ATP6V1C2: variants seen among roughly 807,000 people sequenced by gnomAD.
ATP6V1C2 encodes V-type proton ATPase subunit C 2.
Under a neutral mutation model 56.8 loss-of-function variants are expected in ATP6V1C2, and 45 were observed. The ratio of observed to expected loss-of-function variants is 0.79; its 90% CI spans 0.62 to 1.02. ATP6V1C2 has a LOEUF of 1.02. ATP6V1C2 is among the 50% of genes least tolerant of loss of function. The pLI, the probability that ATP6V1C2 is intolerant of heterozygous loss-of-function variation, is 0.00. For synonymous variants in ATP6V1C2, 220 were observed against 201.3 expected, an observed-to-expected ratio of 1.09 and a Z score of -0.79; for missense variants, 463 against 519.7, an observed-to-expected ratio of 0.89 and a Z score of 1.06.
chr2:10,734,107 C>A lies in ATP6V1C2; in HGVS notation c.197+7538C>A, dbSNP rs139743894. ...CATTTCATGGGATTCAGTGAATAGA[C>A]CGCGGTTGCATGTCTCTGTATGCCG... is the stretch of plus-strand genomic sequence containing the variant. On this transcript the variant is annotated intron_variant, in intron 3 of 13. Transcript: ENST00000272238. 6.3e-3 allele frequency among the ~76,000 whole-genome samples: 958 copies of A among 152,268 alleles called. 5 individuals are homozygous for A. Among genetic ancestry groups the A allele is most frequent in the Non-Finnish European group, 9.8e-3 (665 of 68,018 alleles).
intron 3 of ATP6V1C2, 147 bp from the exon 4 acceptor site, chr2:10,753,834 G>A (rs751789272): frequency 7.5e-6 from 5 of 669,194 alleles, no homozygotes; most frequent in African/African-American, 1.8e-5. Context: ...GTGCCCGGCC[G>A]CTATTGGCAT....
chr2:10,726,146 A>G (rs1661628000), intron 2 of ATP6V1C2, among the ~76,000 whole-genome samples: 1 of 152,116 alleles, frequency 6.6e-6, no homozygotes, highest in African/African-American at 2.4e-5. Flanking sequence ...TAGGAATGAG[A>G]ACTTCTTTAA....
rs1386368839 is a variant in ATP6V1C2, at chr2:10,785,019, A to G, written c.*1756A>G. ...TACAGGTGCCGTGGAGCCACGCCCA[A>G]AAGAGAGCTCCCTTAGGGAAAAATG... On this transcript the variant is annotated 3_prime_UTR_variant, in exon 14 of 14. Coordinates refer to ENST00000272238, the MANE Select transcript of ATP6V1C2 (RefSeq NM_001039362.2). 3 of 1,577,868 alleles carry G rather than the reference A, an allele frequency of 1.9e-6. No individual in the cohort carries two copies. Among genetic ancestry groups the G allele is most frequent in the South Asian group, 1.2e-5 (1 of 86,366 alleles).
chr2:10,735,265 G>A (rs771680446), intron 3 of ATP6V1C2, among the ~76,000 whole-genome samples: 1 of 152,062 alleles, frequency 6.6e-6, no homozygotes, highest in Non-Finnish European at 1.5e-5. Context: ...CCCCTCCTGG[G>A]TTCAAACAAA....
chr2:10,762,037 A>T (rs1011002318), intron 4 of ATP6V1C2, among the ~76,000 whole-genome samples: 2 of 151,982 alleles, frequency 1.3e-5, no homozygotes, highest in African/African-American at 4.8e-5. Context: ...TAGGTGCTTC[A>T]CGCCTTATCT....
At chr2:10,772,286 C>T (rs759384692) in intron 7 of ATP6V1C2, among the ~76,000 whole-genome samples, 5 of 152,122 alleles carry the variant, frequency 3.3e-5, no homozygotes, top group African/African-American at 4.8e-5. Context: ...ACACGGGGCC[C>T]GGATTAGATG....
chr2:10,757,789 CT>C (rs2148467267), intron 4 of ATP6V1C2, among the ~76,000 whole-genome samples: 1 of 152,316 alleles, frequency 6.6e-6, no homozygotes, highest in East Asian at 1.9e-4. Context: ...GATGTCCCGA[CT>C]GCCTGCTCTT....
In ATP6V1C2 at chr2:10,749,982, G is replaced by GA. The variant is rs566348642; in HGVS notation, c.198-3993dup. Among the ~76,000 whole-genome samples, 56 of 152,216 alleles carry GA rather than the reference G, an allele frequency of 3.7e-4. No homozygotes were observed. In the East Asian group the frequency reaches 8.1e-3, roughly 22 times the overall value. The stretch of plus-strand genomic sequence containing the variant: ...AGGTGTTCACAACAAACTGTGGAGT[G>GA]AAAAAAGTACATTTAACACAGTATC... On this transcript the variant is annotated intron_variant, in intron 3 of 13. Coordinates refer to ENST00000272238, the MANE Select transcript of ATP6V1C2 (RefSeq NM_001039362.2).
intron 3 of ATP6V1C2, among the ~76,000 whole-genome samples, chr2:10,740,631 A>G (rs1002616937): frequency 6.6e-6 from 1 of 152,046 alleles, no homozygotes; most frequent in Non-Finnish European, 1.5e-5. Flanking sequence ...TTTCAGCAAC[A>G]CTTCTCTGGG....
rs1027573378 is a variant in ATP6V1C2, at chr2:10,783,558, A to G, written c.*295A>G. ...ATTTCATGTCTTAACGGCTATTTTGAGGTTCATTAACAACATAGAAAGCCT... is the reference window on the plus strand; with the variant it reads ...ATTTCATGTCTTAACGGCTATTTTGGGGTTCATTAACAACATAGAAAGCCT... On this transcript the variant is annotated 3_prime_UTR_variant, in exon 14 of 14. Transcript: ENST00000272238. The G allele has an allele frequency of 6.8e-6, 2 of 292,172 alleles. No individual in the cohort carries two copies. The highest frequency in any genetic ancestry group is 9.8e-5 in the Admixed American group (2 of 20,344). 18.1% of individuals were successfully genotyped at this position (292,172 alleles called of 1,614,324 possible).
chr2:10,722,245 G>A (rs1429942620), intron 1 of ATP6V1C2, among the ~76,000 whole-genome samples: 1 of 152,156 alleles, frequency 6.6e-6, no homozygotes, highest in Non-Finnish European at 1.5e-5. Flanking sequence ...GCACTGCTGA[G>A]CGGGCACCTC....
intron 8 of ATP6V1C2, among the ~76,000 whole-genome samples, chr2:10,773,418 T>C (rs1315884063): frequency 6.6e-6 from 1 of 152,204 alleles, no homozygotes; most frequent in Non-Finnish European, 1.5e-5. Context: ...AGTCTCACTC[T>C]GTTGCCCAGG....
Position 10,762,704 on chromosome 2 carries a change from C to A in ATP6V1C2, c.284-1627C>A, listed in dbSNP as rs114728564. 4.3e-3 allele frequency among the ~76,000 whole-genome samples: 649 copies of A among 152,188 alleles called. 7 individuals are homozygous for A. The highest frequency in any genetic ancestry group is 0.015 in the African/African-American group (623 of 41,524). On this transcript the variant is annotated intron_variant, in intron 4 of 13. Transcript: ENST00000272238. ...CAGAACTTGCCTCCTCTCCTCCATC[C>A]CCATCCCTCCCACCTCCATGGCTGC...
chr2:10,779,523 TAA>T (rs1246873272), intron 12 of ATP6V1C2, among the ~76,000 whole-genome samples: 22 of 149,798 alleles, frequency 1.5e-4, no homozygotes, highest in Admixed American at 3.3e-4. Flanking sequence ...CCACCTCTAC[TAA>T]AAATACAAAA....
At chr2:10,755,740 G>A (rs996075812) in intron 4 of ATP6V1C2, among the ~76,000 whole-genome samples, 2 of 152,190 alleles carry the variant, frequency 1.3e-5, no homozygotes, top group African/African-American at 4.8e-5. Flanking sequence ...GCCCAAATCA[G>A]GTATGAGAAA....
At chr2:10,777,506 CT>C (rs1665072107) in intron 10 of ATP6V1C2, 78 bp from the exon 11 acceptor site, 1 of 1,559,274 alleles carries the variant, frequency 6.4e-7, no homozygotes, top group Non-Finnish European at 8.7e-7. Context: ...TCTCGCGTGC[CT>C]TTCAGGCGAT....
At chr2:10,778,816 C>A in intron 12 of ATP6V1C2, 147 bp downstream of exon 12, 1 of 724,522 alleles carries the variant, frequency 1.4e-6, no homozygotes, top group African/African-American at 1.7e-5. Flanking sequence ...CGCTCAATTC[C>A]GAGTCAAGTA....
intron 6 of ATP6V1C2, among the ~76,000 whole-genome samples, chr2:10,769,618 C>T (rs1173295309): frequency 6.6e-6 from 1 of 152,140 alleles, no homozygotes; most frequent in Non-Finnish European, 1.5e-5. Flanking sequence ...GCACGAGGAT[C>T]ACTTGAACCT....
At chr2:10,762,528 C>A (rs1663972664) in intron 4 of ATP6V1C2, among the ~76,000 whole-genome samples, 1 of 152,172 alleles carries the variant, frequency 6.6e-6, no homozygotes, top group African/African-American at 2.4e-5. Flanking sequence ...GTCATTGTCA[C>A]CGTCGTCGTC....
Sources: gnomAD v4.1 joint callset for allele counts (sites outside exome capture counted in the v4.1 genomes callset) on GRCh38, gnomAD v4.1.1 for gene constraint, MANE v1.5 for transcripts, NCBI Gene and HGNC (gene_info 2026-07-23, HGNC 2026-07-21) for gene names.